Variants in LYN observed in about 807,000 individuals in gnomAD.
LYN encodes tyrosine-protein kinase Lyn.
In LYN, 12 loss-of-function variants were observed where a neutral mutation model predicts 65.0. That is an observed-to-expected ratio of 0.18 (90% CI 0.12 to 0.30). LYN has a LOEUF of 0.30. LYN is among the 10% of genes least tolerant of loss of function. LYN has a pLI of 1.00. For missense variants in LYN, 380 were observed against 623.2 expected, an observed-to-expected ratio of 0.61 and a Z score of 4.16; for synonymous variants, 222 against 221.2, an observed-to-expected ratio of 1.00 and a Z score of -0.03.
intron 8 of LYN, among the ~76,000 whole-genome samples, chr8:55,958,810 T>A (rs1158902546): frequency 6.6e-6 from 1 of 152,268 alleles, no homozygotes; most frequent in African/African-American, 2.4e-5. Context: ...TTTTTAAGGC[T>A]TAATGATATT....
rs74392075 is a variant in LYN, at chr8:55,939,537, G to C, written c.-5-2318G>C. Among the ~76,000 whole-genome samples the C allele has an allele frequency of 2.0e-4, 30 of 152,148 alleles. 1 individual carries two copies. The East Asian group carries it at 5.0e-3, about 25-fold the overall frequency. ...GGGGAACTGCAGGAACGCAGTGGGGGGGGGACAGGGGATTCCCTGTGCCCT... is the reference window on the plus strand; with the variant it reads ...GGGGAACTGCAGGAACGCAGTGGGGCGGGGACAGGGGATTCCCTGTGCCCT... On this transcript the variant is annotated intron_variant, in intron 1 of 12. Coordinates refer to ENST00000519728, the MANE Select transcript of LYN (RefSeq NM_002350.4).
intron 1 of LYN, among the ~76,000 whole-genome samples, chr8:55,928,696 T>G (rs1013158285): frequency 6.6e-6 from 1 of 152,206 alleles, no homozygotes; most frequent in East Asian, 1.9e-4. Context: ...TTTTATTTTC[T>G]TAAGAAAGTG....
At chr8:55,971,140 G>A (rs1186635211) in intron 10 of LYN, among the ~76,000 whole-genome samples, 1 of 152,196 alleles carries the variant, frequency 6.6e-6, no homozygotes, top group Non-Finnish European at 1.5e-5. Flanking sequence ...AGTGTGCCCT[G>A]AAATGCCAAC....
intron 10 of LYN, among the ~76,000 whole-genome samples, chr8:55,991,803 C>T (rs764223561): frequency 8.5e-5 from 13 of 152,080 alleles, no homozygotes; most frequent in Non-Finnish European, 1.3e-4. Flanking sequence ...TTTTTAAAAA[C>T]GAAAATGAAA....
intron 10 of LYN, among the ~76,000 whole-genome samples, chr8:55,989,100 C>G (rs1374147151): frequency 6.6e-6 from 1 of 152,222 alleles, no homozygotes; most frequent in Non-Finnish European, 1.5e-5. Context: ...AAACAGTCCA[C>G]AGGGCACATG....
intron 1 of LYN, among the ~76,000 whole-genome samples, chr8:55,931,236 C>T (rs1806262093): frequency 6.7e-6 from 1 of 148,748 alleles, no homozygotes; most frequent in South Asian, 2.1e-4. Context: ...CTATACATAA[C>T]CTTATGTTGT....
At chr8:55,932,258 A>G (rs1806292051) in intron 1 of LYN, among the ~76,000 whole-genome samples, 2 of 152,198 alleles carry the variant, frequency 1.3e-5, no homozygotes, top group South Asian at 4.1e-4. Context: ...CAAGAAGTGA[A>G]TTAGGAAACT....
intron 10 of LYN, among the ~76,000 whole-genome samples, chr8:55,970,108 T>C (rs1261456852): frequency 6.6e-6 from 1 of 152,210 alleles, no homozygotes; most frequent in African/African-American, 2.4e-5. Flanking sequence ...GGAGAGGCAG[T>C]TCCATGCTAT....
intron 10 of LYN, among the ~76,000 whole-genome samples, chr8:55,988,365 T>C (rs1291625465): frequency 1.3e-5 from 2 of 151,674 alleles, no homozygotes; most frequent in Non-Finnish European, 2.9e-5. Flanking sequence ...CATTAAATGG[T>C]CTTTTTAGGT....
chr8:56,001,639 G>C (rs927730184), intron 12 of LYN, among the ~76,000 whole-genome samples: 11 of 152,240 alleles, frequency 7.2e-5, no homozygotes, highest in Middle Eastern at 3.4e-3. Flanking sequence ...TGCAAAATAG[G>C]AAAAATATTT....
chr8:55,884,955 C>A (rs994689654), intron 1 of LYN, among the ~76,000 whole-genome samples: 2 of 152,218 alleles, frequency 1.3e-5, no homozygotes, highest in African/African-American at 2.4e-5. Flanking sequence ...GCTGTACTTA[C>A]ACTCAGGATA....
intron 1 of LYN, among the ~76,000 whole-genome samples, chr8:55,910,086 T>C (rs112181335): frequency 2.7e-3 from 405 of 151,556 alleles, no homozygotes; most frequent in Non-Finnish European, 4.6e-3. Context: ...CTTTCTCCCA[T>C]TCTGCAGGTT....
intron 1 of LYN, among the ~76,000 whole-genome samples, chr8:55,909,171 A>G (rs1484529675): frequency 6.6e-6 from 1 of 152,028 alleles, no homozygotes; most frequent in African/African-American, 2.4e-5. Flanking sequence ...CTGACCCAGA[A>G]GCAGGTGGGT....
At chr8:55,904,608 G>A (rs974354174) in intron 1 of LYN, among the ~76,000 whole-genome samples, 1 of 152,148 alleles carries the variant, frequency 6.6e-6, no homozygotes, top group Non-Finnish European at 1.5e-5. Context: ...GAAATGGCCA[G>A]GTGCGGTGGC....
rs150608990 is a variant in LYN at position 55,946,587 on chromosome 8, T to G, written c.178+94T>G. The G allele has an allele frequency of 1.2e-3, 1,019 of 826,510 alleles. 2 individuals are homozygous for G. Among genetic ancestry groups the G allele is most frequent in the Admixed American group, 3.1e-3 (135 of 43,002 alleles). 51.2% of individuals were successfully genotyped at this position (826,510 alleles called of 1,614,324 possible). ...CCTAAATGTTTTTATTTTTTTTTATTGTGGGACATATATAACATAAAAATT... is the reference window on the plus strand; with the variant it reads ...CCTAAATGTTTTTATTTTTTTTTATGGTGGGACATATATAACATAAAAATT... On this transcript the variant is annotated intron_variant, in intron 3 of 12. Coordinates refer to ENST00000519728, the MANE Select transcript of LYN (RefSeq NM_002350.4).
chr8:55,910,696 A>G (rs1257806408), intron 1 of LYN, among the ~76,000 whole-genome samples: 1 of 151,974 alleles, frequency 6.6e-6, no homozygotes, highest in Admixed American at 6.6e-5. Context: ...TTCAGGTTTC[A>G]CTTTTGTTCT....
intron 1 of LYN, among the ~76,000 whole-genome samples, chr8:55,915,170 A>G (rs1340823382): frequency 6.6e-6 from 1 of 152,088 alleles, no homozygotes; most frequent in Non-Finnish European, 1.5e-5. Flanking sequence ...GCTGTGTTGC[A>G]GCTGTCCAAC....
chr8:55,959,465 T>C (rs147053791), intron 8 of LYN, among the ~76,000 whole-genome samples: 27 of 152,348 alleles, frequency 1.8e-4, no homozygotes, highest in Admixed American at 3.9e-4. Flanking sequence ...GTAAGTTCAA[T>C]TGACAGCATT....
chr8:55,883,249 GT>G (rs1203625702), intron 1 of LYN, among the ~76,000 whole-genome samples: 15 of 152,232 alleles, frequency 9.9e-5, no homozygotes, highest in Admixed American at 8.5e-4. Context: ...AAATCATTAA[GT>G]TGCAGACCAT....
Sources: gnomAD v4.1 joint callset for allele counts (sites outside exome capture counted in the v4.1 genomes callset) on GRCh38, gnomAD v4.1.1 for gene constraint, MANE v1.5 for transcripts, NCBI Gene and HGNC (gene_info 2026-07-23, HGNC 2026-07-21) for gene names.